Variants in NIN observed in about 807,000 individuals in gnomAD.
NIN encodes the protein ninein, also known as glycogen synthase kinase 3 beta-interacting protein.
In NIN, 137 loss-of-function variants were observed where a neutral mutation model predicts 257.6. The ratio of observed to expected loss-of-function variants is 0.53; its 90% CI spans 0.46 to 0.61. NIN has a LOEUF of 0.61. Ranked by LOEUF, NIN falls within the 20% of genes least tolerant of loss-of-function variation. The probability of loss-of-function intolerance (pLI) is 0.00; values close to 1 mark genes in which losing one functional copy is unlikely to be tolerated. For synonymous variants in NIN, 918 were observed against 919.8 expected (o/e 1.00, Z 0.04); for missense variants, 2,439 against 2,501.2 (o/e 0.98, Z 0.53).
rs143800977 is a variant in NIN, at chr14:50,792,726, C to T, written c.421G>A (p.Gly141Ser). The change falls in exon 5 of 31, where the codon GGT becomes AGT. Residue 141 changes from glycine to serine, a missense_variant. Gly to Ser is a moderately conservative substitution (Grantham distance 56, BLOSUM62 0). Transcript: ENST00000530997. Reference protein sequence around the residue: ...EEARPSHIPAGDCSEHWKTQR... With the variant: ...EEARPSHIPASDCSEHWKTQR... ...CGATTCCTTACCTCACTGCAGTCAC[C>T]GGCTGGGATGTGTGAAGGCCGCGCT... 9.0e-5 allele frequency: 145 copies of T among 1,614,144 alleles called. No individual in the cohort carries two copies. In the African/African-American group the frequency reaches 1.6e-3, roughly 18 times the overall value.
At chr14:50,808,959 G>A (rs570416995) in intron 3 of NIN, among the ~76,000 whole-genome samples, 68 of 152,274 alleles carry the variant, frequency 4.5e-4, no homozygotes, top group African/African-American at 1.6e-3. Flanking sequence ...AGTGGCTCAC[G>A]CCTGTAATCC....
At chr14:50,821,847 A>AT (rs768801102) in intron 3 of NIN, 27 bp downstream of exon 3, 1 of 1,593,088 alleles carries the variant, frequency 6.3e-7, no homozygotes, top group Admixed American at 1.7e-5. Context: ...CCCACTTCCC[A>AT]TAGCCACGTT....
chr14:50,771,209 A>C (rs2042719651), intron 10 of NIN, 123 bp downstream of exon 10: 1 of 1,232,718 alleles, frequency 8.1e-7, no homozygotes, highest in Non-Finnish European at 1.1e-6. Context: ...TGTGTGCAGC[A>C]GTTGGATAGA....
At chr14:50,740,896 CTTAAT>C (rs1298969597) in intron 25 of NIN, among the ~76,000 whole-genome samples, 2 of 152,192 alleles carry the variant, frequency 1.3e-5, no homozygotes, top group East Asian at 3.8e-4. Flanking sequence ...TAACATTGTT[CTTAAT>C]TTATTTGCAC....
chr14:50,772,355 T>C lies in NIN; in HGVS notation c.927A>G (p.Arg309=). 6.2e-7 allele frequency: 1 copy of C among 1,613,764 alleles called. No individual in the cohort carries two copies. The highest frequency in any genetic ancestry group is 1.1e-5 in the South Asian group (1 of 91,036). ...DDGMGHASVE[R]ILDTWQEEGI... is the part of the protein sequence containing the mutation. ...CCTCTTCCTGCCAGGTGTCCAGTAT[T>C]CTCTCCACAGATGCATGGCCCATCC... Residue 309 remains arginine, a synonymous_variant, in exon 9 of 31, where the codon AGA becomes AGG. Transcript: ENST00000530997.
Position 50,752,571 on chromosome 14 carries a change from G to C in NIN, c.4897C>G (p.Arg1633Gly). 1 of 1,613,878 alleles carries C rather than the reference G, an allele frequency of 6.2e-7. No homozygotes were observed. Among genetic ancestry groups the C allele is most frequent in the Non-Finnish European group, 8.5e-7 (1 of 1,179,928 alleles). The change falls in exon 21 of 31, where the codon CGG becomes GGG. Residue 1633 changes from arginine to glycine, a missense_variant. Coordinates refer to ENST00000530997, the MANE Select transcript of NIN (RefSeq NM_020921.4). ...TTCAGATTAAACTTCTCTTGTTCCC[G>C]TTCCTCCAATGCACTGTTTCCTGGC... Reference protein sequence around the residue: ...KEPGNSALEEREQEKFNLKEE... With the variant: ...KEPGNSALEEGEQEKFNLKEE...
chr14:50,783,749 G>A (rs2043229886), intron 5 of NIN, among the ~76,000 whole-genome samples: 1 of 152,192 alleles, frequency 6.6e-6, no homozygotes, highest in Non-Finnish European at 1.5e-5. Context: ...GGGAGAGAAG[G>A]AGGGGAAGGC....
At chr14:50,761,147 A>G (rs1482878877) in intron 16 of NIN, among the ~76,000 whole-genome samples, 1 of 152,220 alleles carries the variant, frequency 6.6e-6, no homozygotes, top group Non-Finnish European at 1.5e-5. Context: ...TATACAAAAA[A>G]GAGCTACAAT....
chr14:50,723,594 C>T lies in NIN; in HGVS notation c.6271G>A (p.Val2091Met). Residue 2091 changes from valine (V) to methionine (M), a missense_variant, in exon 31 of 31, where the codon GTG (valine) becomes ATG (methionine). Val to Met is a conservative substitution (Grantham distance 21). This residue lies in a region of NIN where 2,043 missense variants were observed against 2,050.2 expected (regional missense o/e 1.00). Coordinates refer to ENST00000530997, the MANE Select transcript of NIN (RefSeq NM_020921.4). Reference sequence around the variant, plus strand: ...GCTGTTTTCTGTCGCTGTTCAGTCACTTCCAGAGCTTTCAACAACTGGGCA... The same window carrying T: ...GCTGTTTTCTGTCGCTGTTCAGTCATTTCCAGAGCTTTCAACAACTGGGCA... ...ENAQLLKALEVTEQRQKTAEK... is the reference protein window; with the variant it reads ...ENAQLLKALEMTEQRQKTAEK... The T allele has an allele frequency of 6.2e-7, 1 of 1,613,938 alleles. No homozygotes were observed. The highest frequency in any genetic ancestry group is 8.5e-7 in the Non-Finnish European group (1 of 1,179,852).
intron 5 of NIN, among the ~76,000 whole-genome samples, chr14:50,782,403 TATA>T (rs1440759556): frequency 6.6e-6 from 1 of 152,178 alleles, no homozygotes; most frequent in Non-Finnish European, 1.5e-5. Context: ...GAGCATAAAG[TATA>T]ATGATACATT....
Position 50,778,777 on chromosome 14 carries a change from A to G in NIN, c.463T>C (p.Tyr155His). ...ACTCGGCTCTTACCTTCCGCTTCAT[A>G]CTCCTCACTGCGTTGCGTCTTCCAG... ...EHWKTQRSEE[Y>H]EAEGQLRFWN... Residue 155 changes from tyrosine (Y) to histidine (H), a missense_variant, in exon 6 of 31, where the codon TAT (tyrosine) becomes CAT (histidine). Tyr to His is a moderately conservative substitution (Grantham distance 83). Coordinates refer to ENST00000530997, the MANE Select transcript of NIN (RefSeq NM_020921.4). The G allele has an allele frequency of 1.9e-6, 3 of 1,613,882 alleles. No individual in the cohort carries two copies. Among genetic ancestry groups the G allele is most frequent in the Non-Finnish European group, 1.7e-6 (2 of 1,179,970 alleles).
intron 21 of NIN, among the ~76,000 whole-genome samples, chr14:50,751,202 T>C (rs1288648027): frequency 6.6e-6 from 1 of 152,192 alleles, no homozygotes; most frequent in African/African-American, 2.4e-5. Flanking sequence ...TTTCCACCAT[T>C]TTGCAATTAG....
chr14:50,804,889 G>T (rs1056746528), intron 4 of NIN, among the ~76,000 whole-genome samples: 4 of 152,178 alleles, frequency 2.6e-5, no homozygotes, highest in Non-Finnish European at 4.4e-5. Flanking sequence ...ACTGTCCTAG[G>T]CCACATGCAG....
At chr14:50,756,437 A>C in intron 18 of NIN, 55 bp downstream of exon 18, 30 of 1,517,650 alleles carry the variant, frequency 2.0e-5, no homozygotes, top group South Asian at 2.6e-5. Flanking sequence ...AGTGGAAGTT[A>C]GATCTGGTGA....
intron 5 of NIN, among the ~76,000 whole-genome samples, chr14:50,789,399 C>T (rs1275271196): frequency 6.6e-6 from 1 of 152,154 alleles, no homozygotes; most frequent in East Asian, 1.9e-4. Context: ...ATGGTGAAAC[C>T]CCGTCTCTAC....
chr14:50,756,500 T>C lies in NIN; in HGVS notation c.4530A>G (p.Glu1510=), dbSNP rs982920185. Residue 1510 remains glutamate (E), a synonymous_variant, in exon 18 of 31, where the codon GAA becomes GAG. Transcript: ENST00000530997. ...ITCSEMQQKV[E]LLRYESEKLQ... ...GAAGGTACATACATTACCTCAGAAGTTCAACTTTTTGCTGCATCTCACTGC... is the reference window on the plus strand; with the variant it reads ...GAAGGTACATACATTACCTCAGAAGCTCAACTTTTTGCTGCATCTCACTGC... 2 of 1,597,548 alleles carry C rather than the reference T, an allele frequency of 1.3e-6. No homozygotes were observed. The highest frequency in any genetic ancestry group is 2.7e-5 in the African/African-American group (2 of 74,470).
chr14:50,765,075 A>T (rs1339477761), intron 14 of NIN, among the ~76,000 whole-genome samples: 1 of 147,588 alleles, frequency 6.8e-6, no homozygotes, highest in Non-Finnish European at 1.5e-5. Flanking sequence ...AAAAAAAAAA[A>T]AAAAAAAAAA....
intron 3 of NIN, among the ~76,000 whole-genome samples, chr14:50,813,123 G>T (rs1434445012): frequency 1.3e-5 from 2 of 152,166 alleles, no homozygotes; most frequent in Non-Finnish European, 2.9e-5. Flanking sequence ...ACACAACCCA[G>T]AACCGAAATG....
intron 7 of NIN, among the ~76,000 whole-genome samples, chr14:50,775,846 T>G (rs1386604582): frequency 1.3e-5 from 2 of 152,130 alleles, no homozygotes; most frequent in African/African-American, 4.8e-5. Flanking sequence ...ATTTTATGAC[T>G]TAATAGTCAC....
Sources: allele counts gnomAD v4.1 joint callset (sites outside exome capture counted in the v4.1 genomes callset), GRCh38; gene constraint gnomAD v4.1.1; regional missense constraint gnomAD v4.1.1; transcripts MANE v1.5; gene names NCBI Gene and HGNC (gene_info 2026-07-23, HGNC 2026-07-21).